PARD3B: variants seen among roughly 807,000 people sequenced by gnomAD.
PARD3B encodes par-3 family cell polarity regulator beta.
A neutral mutation model predicts 130.2 loss-of-function variants in PARD3B; 103 were observed. That is an observed-to-expected ratio of 0.79 (90% CI 0.67 to 0.93). PARD3B has a LOEUF of 0.93. PARD3B is among the 40% of genes least tolerant of loss of function. The probability of loss-of-function intolerance (pLI) is 0.00; values close to 1 mark genes in which losing one functional copy is unlikely to be tolerated. For missense variants in PARD3B, 1,609 were observed against 1,499.2 expected, an observed-to-expected ratio of 1.07 and a Z score of -1.21; for synonymous variants, 583 against 553.2, an observed-to-expected ratio of 1.05 and a Z score of -0.76.
intron 18 of PARD3B, among the ~76,000 whole-genome samples, chr2:205,399,635 G>A (rs560417028): frequency 2.2e-4 from 34 of 152,142 alleles, no homozygotes; most frequent in Admixed American, 1.3e-3. Flanking sequence ...GATTACAGGC[G>A]TGAGCCACCA....
rs1273984935 is a variant in PARD3B at position 205,125,779 on chromosome 2, G to A, written c.1434+42G>A. ...AGTCTCACTGAATTTTTAATGCCGA[G>A]CTTAATACACTCAATGAACTCATTA... On this transcript the variant is annotated intron_variant, in intron 10 of 22. Coordinates refer to ENST00000406610, the MANE Select transcript of PARD3B (RefSeq NM_001302769.2). This position sits in a 1 kb window ranked among gnomAD's most constrained non-coding sequence, Gnocchi z 4.0. 6.2e-7 allele frequency: 1 copy of A among 1,608,300 alleles called. No individual in the cohort carries two copies. The highest frequency in any genetic ancestry group is 1.3e-5 in the African/African-American group (1 of 74,890).
intron 3 of PARD3B, among the ~76,000 whole-genome samples, chr2:205,001,995 G>GCC (rs1694873678): frequency 6.6e-6 from 1 of 152,180 alleles, no homozygotes; most frequent in Non-Finnish European, 1.5e-5. Context: ...AATTTAGGAA[G>GCC]AAATCTTGAG....
chr2:204,948,002 C>T (rs1689469914), intron 2 of PARD3B, among the ~76,000 whole-genome samples: 1 of 152,114 alleles, frequency 6.6e-6, no homozygotes, highest in Non-Finnish European at 1.5e-5. Context: ...CAGGTGTTGC[C>T]AAGTCTGTAT....
intron 18 of PARD3B, among the ~76,000 whole-genome samples, chr2:205,386,408 G>A (rs1312767666): frequency 2.0e-5 from 3 of 152,110 alleles, no homozygotes; most frequent in Non-Finnish European, 4.4e-5. Flanking sequence ...CTAAATAATT[G>A]AGTAATTGTT....
chr2:204,587,708 C>T (rs938491626), intron 1 of PARD3B, among the ~76,000 whole-genome samples: 1 of 152,132 alleles, frequency 6.6e-6, no homozygotes, highest in African/African-American at 2.4e-5. Flanking sequence ...TTTATTTGCT[C>T]ATCCCCTGAT....
chr2:204,990,037 T>G (rs1234615688), intron 3 of PARD3B, among the ~76,000 whole-genome samples: 2 of 152,132 alleles, frequency 1.3e-5, no homozygotes, highest in Non-Finnish European at 1.5e-5. Flanking sequence ...TTCTTTAAAC[T>G]ACTAAATGTA....
At chr2:204,963,468 C>T (rs116780887) in intron 2 of PARD3B, among the ~76,000 whole-genome samples, 1 of 151,908 alleles carries the variant, frequency 6.6e-6, no homozygotes, top group East Asian at 1.9e-4. Context: ...GTTCATAGTA[C>T]CAATATAATA....
intron 4 of PARD3B, among the ~76,000 whole-genome samples, chr2:205,050,329 T>C (rs1699104720): frequency 6.6e-6 from 1 of 152,036 alleles, no homozygotes; most frequent in South Asian, 2.1e-4. Context: ...ACAGATAGTT[T>C]AACTTCCCTA....
At chr2:205,023,653 A>G (rs969175751) in intron 3 of PARD3B, among the ~76,000 whole-genome samples, 8 of 150,454 alleles carry the variant, frequency 5.3e-5, no homozygotes, top group African/African-American at 2.0e-4. Context: ...TCCCAATTCA[A>G]TACTGCAGCC....
chr2:204,638,565 T>C lies in PARD3B; in HGVS notation c.121-47616T>C, dbSNP rs1162914241. ...TTCGGAATGGTATTGCTTTCAGTCA[T>C]TCGAGACTATAGTAGGAACATTTTA... On this transcript the variant is annotated intron_variant, in intron 1 of 22. Coordinates refer to ENST00000406610, the MANE Select transcript of PARD3B (RefSeq NM_001302769.2). Among the ~76,000 whole-genome samples the C allele has an allele frequency of 5.9e-5, 9 of 152,180 alleles. No homozygotes were observed. The East Asian group carries it at 9.6e-4, about 16-fold the overall frequency.
At chr2:205,063,536 A>G (rs1047244847) in intron 4 of PARD3B, among the ~76,000 whole-genome samples, 3 of 152,088 alleles carry the variant, frequency 2.0e-5, no homozygotes, top group African/African-American at 7.2e-5. Context: ...TATCCGTGTA[A>G]CTCAGCAGTT....
At position 205,558,135 on chromosome 2, in the gene PARD3B, G is replaced by A. The variant is rs2052974614; in HGVS notation, c.3260+4732G>A. ...CTAATGGACATGATAGTAGACAGCA[G>A]TGCTATGGAGAGGGGGTTTATAACA... On this transcript the variant is annotated intron_variant, in intron 22 of 22. Coordinates refer to ENST00000406610, the MANE Select transcript of PARD3B (RefSeq NM_001302769.2). This position sits in a 1 kb window ranked among gnomAD's most constrained non-coding sequence, Gnocchi z 4.8. Among the ~76,000 whole-genome samples the A allele has an allele frequency of 1.3e-5, 2 of 152,222 alleles. No individual in the cohort carries two copies. Among genetic ancestry groups the A allele is most frequent in the South Asian group, 4.1e-4 (2 of 4,832 alleles).
intron 1 of PARD3B, among the ~76,000 whole-genome samples, chr2:204,548,164 G>T (rs546074254): frequency 6.6e-6 from 1 of 151,914 alleles, no homozygotes; most frequent in Non-Finnish European, 1.5e-5. Context: ...ATTCATAATG[G>T]CACTAAAAGG....
chr2:205,243,396 T>C (rs2039441287), intron 15 of PARD3B, among the ~76,000 whole-genome samples: 1 of 152,218 alleles, frequency 6.6e-6, no homozygotes, highest in Non-Finnish European at 1.5e-5. Flanking sequence ...TATCCTCTTA[T>C]GATGAGACTG....
At chr2:205,395,692 A>G (rs1168881732) in intron 18 of PARD3B, among the ~76,000 whole-genome samples, 2 of 152,170 alleles carry the variant, frequency 1.3e-5, no homozygotes, top group Admixed American at 1.3e-4. Context: ...AGTTCAAGCC[A>G]CTGTCATCTT....
At chr2:205,423,171 C>T (rs936789279) in intron 19 of PARD3B, among the ~76,000 whole-genome samples, 3 of 152,164 alleles carry the variant, frequency 2.0e-5, no homozygotes, top group Admixed American at 2.0e-4. Context: ...GTTGGACCTT[C>T]TCTGATGGTT....
chr2:205,587,109 C>G (rs1045332538), intron 22 of PARD3B, among the ~76,000 whole-genome samples: 1 of 152,162 alleles, frequency 6.6e-6, no homozygotes, highest in South Asian at 2.1e-4. Flanking sequence ...ACCAGAAGAC[C>G]TACATTACTA....
At chr2:204,644,477 T>C (rs1291649446) in intron 1 of PARD3B, among the ~76,000 whole-genome samples, 1 of 152,196 alleles carries the variant, frequency 6.6e-6, no homozygotes, top group East Asian at 1.9e-4. Context: ...TTTATTAACA[T>C]ATTATTACTA....
At chr2:204,841,652 C>T (rs948017531) in intron 2 of PARD3B, among the ~76,000 whole-genome samples, 4 of 151,990 alleles carry the variant, frequency 2.6e-5, no homozygotes, top group South Asian at 2.1e-4. Context: ...TTTTGTTTTG[C>T]GATGAGGGCA....
Sources: gnomAD v4.1 joint callset for allele counts (sites outside exome capture counted in the v4.1 genomes callset) on GRCh38, gnomAD v4.1.1 for gene constraint, Gnocchi (gnomAD v3.1) non-coding constraint, MANE v1.5 for transcripts, NCBI Gene and HGNC (gene_info 2026-07-23, HGNC 2026-07-21) for gene names.